Variants in TUSC3 observed in about 807,000 individuals in gnomAD.
The protein encoded by TUSC3 is tumor suppressor candidate 3, also known as dolichyl-diphosphooligosaccharide--protein glycosyltransferase subunit TUSC3.
Under a neutral mutation model 44.8 loss-of-function variants are expected in TUSC3, and 45 were observed. The ratio of observed to expected loss-of-function variants is 1.00; its 90% confidence interval spans 0.79 to 1.29. The LOEUF is 1.29. Ranked by LOEUF, TUSC3 falls within the 50% of genes most tolerant of loss-of-function variation. TUSC3 has a pLI of 0.00. For missense variants in TUSC3, 519 were observed against 437.9 expected, an observed-to-expected ratio of 1.19 and a Z score of -1.65; for synonymous variants, 212 against 152.9, an observed-to-expected ratio of 1.39 and a Z score of -2.85.
intron 1 of TUSC3, among the ~76,000 whole-genome samples, chr8:15,550,119 C>A (rs1802010007): frequency 6.6e-6 from 1 of 151,722 alleles, no homozygotes; most frequent in South Asian, 2.1e-4. Flanking sequence ...AATGCTTTTC[C>A]ATACAATGTC....
intron 1 of TUSC3, among the ~76,000 whole-genome samples, chr8:15,425,231 G>GA (rs1041239110): frequency 6.6e-6 from 1 of 152,144 alleles, no homozygotes; most frequent in Non-Finnish European, 1.5e-5. Flanking sequence ...GGAAACAGTG[G>GA]AAAAAATGAC....
intron 1 of TUSC3, among the ~76,000 whole-genome samples, chr8:15,460,877 A>G (rs931668129): frequency 6.6e-6 from 1 of 152,062 alleles, no homozygotes; most frequent in East Asian, 1.9e-4. Flanking sequence ...ATTCTGTTCC[A>G]TTGGTCTATG....
chr8:15,749,740 T>G (rs1441510882), intron 9 of TUSC3, among the ~76,000 whole-genome samples: 1 of 150,638 alleles, frequency 6.6e-6, no homozygotes, highest in Non-Finnish European at 1.5e-5. Flanking sequence ...AAGTTTTTTT[T>G]TTTTTTCTTT....
chr8:15,696,724 G>T (rs537186598), intron 6 of TUSC3, among the ~76,000 whole-genome samples: 1 of 152,288 alleles, frequency 6.6e-6, no homozygotes, highest in South Asian at 2.1e-4. Flanking sequence ...TAGCACCTAT[G>T]CTCATCAGGG....
intron 1 of TUSC3, among the ~76,000 whole-genome samples, chr8:15,566,498 C>G (rs1437705848): frequency 6.6e-6 from 1 of 152,116 alleles, no homozygotes; most frequent in East Asian, 1.9e-4. Context: ...AAGGAAAGAG[C>G]TGGACCACAA....
chr8:15,775,677 TAA>T, the TUSC3 span, among the ~76,000 whole-genome samples: 8 of 131,770 alleles, frequency 6.1e-5, no homozygotes, highest in African/African-American at 2.1e-4. Flanking sequence ...TATACACACA[TAA>T]ATACATATGT....
chr8:15,843,139 CTTTTA>C, the TUSC3 span, among the ~76,000 whole-genome samples: 27 of 152,100 alleles, frequency 1.8e-4, no homozygotes, highest in Admixed American at 1.4e-3. Flanking sequence ...CTTTTCTTTC[CTTTTA>C]TTTTAAGTAC....
chr8:15,427,013 AC>A (rs1236973474), intron 1 of TUSC3, among the ~76,000 whole-genome samples: 1 of 151,750 alleles, frequency 6.6e-6, no homozygotes, highest in African/African-American at 2.4e-5. Flanking sequence ...TTGTACGTCT[AC>A]ATTGAAGAAA....
chr8:15,788,496 G>C, the TUSC3 span, among the ~76,000 whole-genome samples: 3 of 148,776 alleles, frequency 2.0e-5, no homozygotes, highest in Admixed American at 2.0e-4. Flanking sequence ...GCAGTGAGCC[G>C]AGATTGTGCC....
At chr8:15,669,291 A>G (rs1189179208) in intron 5 of TUSC3, among the ~76,000 whole-genome samples, 2 of 151,838 alleles carry the variant, frequency 1.3e-5, no homozygotes, top group African/African-American at 4.8e-5. Context: ...TAAAACTTTC[A>G]TTCCATGATG....
rs575597923 is a variant in TUSC3, at chr8:15,428,126, C to G, written n.91+10821C>G. Among the ~76,000 whole-genome samples, 39 of 116,852 alleles carry G rather than the reference C, an allele frequency of 3.3e-4. No individual in the cohort carries two copies. In the South Asian group the frequency reaches 0.012, roughly 36 times the overall value. The allele number at this position is 116,852 out of a possible 152,430, so 76.7% of individuals were successfully genotyped here. A position where few individuals can be genotyped will look rare whatever the true frequency, so the allele number is the denominator to read the frequency against. On this transcript the variant is annotated intron_variant and non_coding_transcript_variant, in intron 1 of 5. Transcript: ENST00000503191. ...TAATGCTATCCCGCCCCCCTCCCCC[C>G]ACCCCACAACAGTCGCCAGTGTGTG...
intron 2 of TUSC3, among the ~76,000 whole-genome samples, chr8:15,523,664 A>ATATATATGTG (rs1345376349): frequency 1.2e-4 from 5 of 42,502 alleles, no homozygotes; most frequent in African/African-American, 4.3e-4. Flanking sequence ...ATATATATAT[A>ATATATATGTG]TGTGTGTGTG....
intron 10 of TUSC3, among the ~76,000 whole-genome samples, chr8:15,761,555 T>C (rs1480555209): frequency 6.6e-6 from 1 of 152,158 alleles, no homozygotes; most frequent in Non-Finnish European, 1.5e-5. Context: ...ATGCATATAT[T>C]CTCTTCAGAA....
the TUSC3 span, chr8:15,807,103 C>T: frequency 8.7e-6 from 11 of 1,257,750 alleles, no homozygotes; most frequent in African/African-American, 1.5e-5. Flanking sequence ...CCAGGATGCC[C>T]GTTATACACA....
the TUSC3 span, among the ~76,000 whole-genome samples, chr8:15,818,934 TC>T: frequency 6.6e-6 from 1 of 152,172 alleles, no homozygotes; most frequent in African/African-American, 2.4e-5. Context: ...ACAAATTCAT[TC>T]CTTGTGGGTC....
rs571145577 is a variant in TUSC3 at position 15,454,121 on chromosome 8, C to G, written n.92-29265C>G. 3.3e-5 allele frequency among the ~76,000 whole-genome samples: 5 copies of G among 152,228 alleles called. No homozygotes were observed. In the East Asian group the frequency reaches 7.7e-4, roughly 24 times the overall value. On this transcript the variant is annotated intron_variant and non_coding_transcript_variant, in intron 1 of 5. Coordinates refer to the TUSC3 transcript ENST00000503191. ...GCAGGCCACTGCACATGTGGACAGC[C>G]CACCCCAAGGGAAGAATCAAGGGAG... is the stretch of plus-strand genomic sequence containing the variant.
chr8:15,745,644 GGTT>G, intron 8 of TUSC3, among the ~76,000 whole-genome samples: 1 of 151,212 alleles, frequency 6.6e-6, no homozygotes, highest in Admixed American at 6.6e-5. Context: ...TTTTTAATGG[GGTT>G]GTTTTTTGCT....
the TUSC3 span, among the ~76,000 whole-genome samples, chr8:15,818,841 T>G: frequency 3.9e-5 from 6 of 152,174 alleles, no homozygotes; most frequent in Non-Finnish European, 5.9e-5. Flanking sequence ...TGGTTTTTGT[T>G]TCGTTGCTAA....
intron 1 of TUSC3, among the ~76,000 whole-genome samples, chr8:15,619,622 G>C (rs1805152856): frequency 6.6e-6 from 1 of 152,168 alleles, no homozygotes; most frequent in Non-Finnish European, 1.5e-5. Flanking sequence ...CTCTGGAGTA[G>C]CTGGGATTAC....
Sources: gnomAD v4.1 joint callset for allele counts (sites outside exome capture counted in the v4.1 genomes callset) on GRCh38, gnomAD v4.1.1 for gene constraint, MANE v1.5 for transcripts, NCBI Gene and HGNC (gene_info 2026-07-23, HGNC 2026-07-21) for gene names.